CDKAL1: variants seen among roughly 807,000 people sequenced by gnomAD.
CDKAL1 encodes threonylcarbamoyladenosine tRNA methylthiotransferase.
In CDKAL1, 32 loss-of-function variants were observed where a neutral mutation model predicts 68.2. That is an observed-to-expected ratio of 0.47 (90% confidence interval 0.35 to 0.63). The LOEUF is 0.63. CDKAL1 is among the 30% of genes least tolerant of loss of function. The pLI is 0.00. For missense variants in CDKAL1, 606 were observed against 696.7 expected (o/e 0.87, Z 1.47); for synonymous variants, 234 against 244.3 (o/e 0.96, Z 0.39).
chr6:20,598,766 G>A (rs980863136), intron 4 of CDKAL1, among the ~76,000 whole-genome samples: 6 of 151,988 alleles, frequency 3.9e-5, no homozygotes, highest in Non-Finnish European at 8.8e-5. Context: ...AAGATGAAAG[G>A]GGACATTTAT....
chr6:21,041,350 A>G (rs536677864), intron 11 of CDKAL1, among the ~76,000 whole-genome samples: 2 of 152,368 alleles, frequency 1.3e-5, no homozygotes, highest in South Asian at 4.1e-4. Flanking sequence ...GAACACGTAC[A>G]TGAATAAAAG....
At chr6:20,720,446 TCTTAC>T (rs1772294170) in intron 5 of CDKAL1, among the ~76,000 whole-genome samples, 1 of 152,178 alleles carries the variant, frequency 6.6e-6, no homozygotes, top group Non-Finnish European at 1.5e-5. Context: ...CCTTCTGTGT[TCTTAC>T]CCTTTAAGCC....
At chr6:21,070,393 T>C (rs1771707445) in intron 12 of CDKAL1, among the ~76,000 whole-genome samples, 2 of 53,138 alleles carry the variant, frequency 3.8e-5, no homozygotes, top group South Asian at 1.7e-3. Flanking sequence ...TTCTTTTTGT[T>C]TCTCTCTTTT....
chr6:20,991,782 G>A (rs1766820291), intron 10 of CDKAL1, among the ~76,000 whole-genome samples: 1 of 148,816 alleles, frequency 6.7e-6, no homozygotes, highest in Non-Finnish European at 1.5e-5. Context: ...TTGGGAAGCT[G>A]AGGTGCGTAC....
intron 13 of CDKAL1, among the ~76,000 whole-genome samples, chr6:21,196,705 T>C (rs1263879913): frequency 1.3e-5 from 2 of 152,194 alleles, no homozygotes; most frequent in African/African-American, 4.8e-5. Context: ...TGGTGACAAG[T>C]CCCTACAAAT....
chr6:20,958,800 A>G (rs564664187), intron 10 of CDKAL1, among the ~76,000 whole-genome samples: 1 of 152,280 alleles, frequency 6.6e-6, no homozygotes, highest in South Asian at 2.1e-4. Flanking sequence ...CTTTAATTAG[A>G]GAGTACTTGG....
intron 4 of CDKAL1, among the ~76,000 whole-genome samples, chr6:20,595,944 TG>T (rs1477493908): frequency 6.6e-6 from 1 of 152,208 alleles, no homozygotes; most frequent in Non-Finnish European, 1.5e-5. Flanking sequence ...GCTGCAGGGC[TG>T]GTGGAGTTTG....
intron 8 of CDKAL1, among the ~76,000 whole-genome samples, chr6:20,813,035 A>T (rs917133612): frequency 1.3e-5 from 2 of 152,172 alleles, no homozygotes; most frequent in African/African-American, 2.4e-5. Context: ...ATTATACCTC[A>T]GTGCAATTTT....
chr6:20,586,800 A>G (rs1765373987), intron 4 of CDKAL1, among the ~76,000 whole-genome samples: 1 of 152,118 alleles, frequency 6.6e-6, no homozygotes, highest in Non-Finnish European at 1.5e-5. Flanking sequence ...GTGGAAGCCA[A>G]GATTTATATC....
chr6:21,000,941 A>C (rs1767395657), intron 11 of CDKAL1, among the ~76,000 whole-genome samples: 1 of 152,268 alleles, frequency 6.6e-6, no homozygotes, highest in Non-Finnish European at 1.5e-5. Flanking sequence ...ACACAATGTC[A>C]GACATGAATG....
intron 10 of CDKAL1, among the ~76,000 whole-genome samples, chr6:20,962,411 A>G (rs1167048605): frequency 2.6e-5 from 4 of 152,206 alleles, no homozygotes; most frequent in African/African-American, 7.2e-5. Flanking sequence ...TTCTACTTCA[A>G]TGACCTTATA....
chr6:21,024,420 A>T (rs1466937901), intron 11 of CDKAL1, among the ~76,000 whole-genome samples: 1 of 152,042 alleles, frequency 6.6e-6, no homozygotes, highest in Non-Finnish European at 1.5e-5. Flanking sequence ...GGCTGAGGCG[A>T]GCAGATTGCT....
chr6:20,949,485 G>A (rs1176575981), intron 9 of CDKAL1, among the ~76,000 whole-genome samples: 2 of 152,156 alleles, frequency 1.3e-5, no homozygotes, highest in Non-Finnish European at 2.9e-5. Context: ...TGTAGGAGGT[G>A]CTTTTCAAAT....
At chr6:21,093,132 G>A (rs1239752871) in intron 12 of CDKAL1, among the ~76,000 whole-genome samples, 1 of 152,104 alleles carries the variant, frequency 6.6e-6, no homozygotes, top group Non-Finnish European at 1.5e-5. Context: ...CCCCATGGAC[G>A]CAGCATTATG....
At chr6:21,119,530 T>G (rs1774594489) in intron 13 of CDKAL1, among the ~76,000 whole-genome samples, 1 of 152,182 alleles carries the variant, frequency 6.6e-6, no homozygotes, top group Non-Finnish European at 1.5e-5. Context: ...ATTGGAGAAA[T>G]TAATAGGTTT....
At chr6:20,923,327 G>A (rs1466915558) in intron 9 of CDKAL1, among the ~76,000 whole-genome samples, 2 of 152,144 alleles carry the variant, frequency 1.3e-5, no homozygotes, top group Non-Finnish European at 2.9e-5. Context: ...TGTGTCAACC[G>A]TGCTTCAAGC....
intron 9 of CDKAL1, among the ~76,000 whole-genome samples, chr6:20,870,741 AT>A (rs1760168955): frequency 6.6e-6 from 1 of 152,234 alleles, no homozygotes; most frequent in Non-Finnish European, 1.5e-5. Flanking sequence ...TGGGCAAATA[AT>A]TTAACCTTTG....
intron 11 of CDKAL1, among the ~76,000 whole-genome samples, chr6:21,018,152 G>C (rs1768443698): frequency 6.6e-6 from 1 of 152,138 alleles, no homozygotes; most frequent in Admixed American, 6.5e-5. Flanking sequence ...AGGGCAGTGT[G>C]AATTTACACC....
intron 8 of CDKAL1, among the ~76,000 whole-genome samples, chr6:20,783,726 C>G (rs1184412819): frequency 6.6e-6 from 1 of 152,196 alleles, no homozygotes; most frequent in East Asian, 1.9e-4. Context: ...ACTTTACACA[C>G]TATGTCATTT....
Sources: allele counts gnomAD v4.1 joint callset (sites outside exome capture counted in the v4.1 genomes callset), GRCh38; gene constraint gnomAD v4.1.1; transcripts MANE v1.5; gene names NCBI Gene and HGNC (gene_info 2026-07-23, HGNC 2026-07-21).